TRMT11: variants seen among roughly 807,000 people sequenced by gnomAD.
TRMT11 encodes the protein tRNA (guanine(10)-N(2))-methyltransferase TRMT11.
Under a neutral mutation model 62.8 loss-of-function variants are expected in TRMT11, and 53 were observed. The observed-to-expected ratio is 0.84, with a 90% CI of 0.68 to 1.06. TRMT11 has a LOEUF of 1.06. TRMT11 is among the 50% of genes least tolerant of loss of function. TRMT11 has a pLI of 0.00. For missense variants in TRMT11, 556 were observed against 553.4 expected (o/e 1.00, Z -0.05); for synonymous variants, 188 against 190.3 (o/e 0.99, Z 0.10).
the TRMT11 span, among the ~76,000 whole-genome samples, chr6:126,252,363 T>C: frequency 6.6e-6 from 1 of 152,218 alleles, no homozygotes; most frequent in Non-Finnish European, 1.5e-5. Context: ...TATGGTGGCC[T>C]CAGGGTGGCA....
At chr6:126,219,518 CTCTT>C in the TRMT11 span, among the ~76,000 whole-genome samples, 3 of 152,200 alleles carry the variant, frequency 2.0e-5, no homozygotes, top group African/African-American at 7.2e-5. Context: ...TCAAGGAAGA[CTCTT>C]TCTTCTAACT....
At chr6:126,178,234 C>G (rs1244128475) in intron 1 of TRMT11, among the ~76,000 whole-genome samples, 1 of 152,126 alleles carries the variant, frequency 6.6e-6, no homozygotes, top group Non-Finnish European at 1.5e-5. Context: ...GAGTTGTTGC[C>G]CAAGATCACC....
intron 21 of TRMT11, among the ~76,000 whole-genome samples, chr6:126,149,900 A>G (rs1424929565): frequency 6.6e-6 from 1 of 152,220 alleles, no homozygotes; most frequent in Non-Finnish European, 1.5e-5. Flanking sequence ...CTGTGTCTGT[A>G]TTAGTATGAC....
chr6:126,116,577 G>C (rs1777589810), intron 21 of TRMT11, among the ~76,000 whole-genome samples: 1 of 152,084 alleles, frequency 6.6e-6, no homozygotes, highest in Non-Finnish European at 1.5e-5. Flanking sequence ...AGTGCCACGA[G>C]TGGCACGTTG....
rs536238504 is a variant in TRMT11 at position 126,201,900 on chromosome 6, T to C, written n.372-128T>C. ...TGTGGAATGTATCTGTGGAAACTGCTAGCCTGTTCAATGGTGCGTTATTCT... is the reference window on the plus strand; with the variant it reads ...TGTGGAATGTATCTGTGGAAACTGCCAGCCTGTTCAATGGTGCGTTATTCT... On this transcript the variant is annotated intron_variant and non_coding_transcript_variant, in intron 3 of 3. Coordinates refer to the TRMT11 transcript ENST00000444229. The C allele has an allele frequency of 2.6e-5, 4 of 152,316 alleles. No homozygotes were observed. In the East Asian group the frequency reaches 7.7e-4, roughly 29 times the overall value. 9.4% of individuals were successfully genotyped at this position (152,316 alleles called of 1,614,324 possible).
chr6:126,105,310 A>G (rs1777451367), intron 17 of TRMT11, among the ~76,000 whole-genome samples: 1 of 152,164 alleles, frequency 6.6e-6, no homozygotes. Flanking sequence ...GGGTGGTATC[A>G]TGCCTTTAAA....
chr6:126,188,185 A>G lies in TRMT11; in HGVS notation n.144-10614A>G, dbSNP rs192308326. Among the ~76,000 whole-genome samples, 595 of 152,106 alleles carry G rather than the reference A, an allele frequency of 3.9e-3. 4 individuals carry two copies. The highest frequency in any genetic ancestry group is 0.014 in the African/African-American group (583 of 41,546). Reference sequence around the variant, plus strand: ...ACCCCCCATATCCCAAGAAAACAAAAAAGAACTGAGAAGTGAACCATGAAT... The same window carrying G: ...ACCCCCCATATCCCAAGAAAACAAAGAAGAACTGAGAAGTGAACCATGAAT... On this transcript the variant is annotated intron_variant and non_coding_transcript_variant, in intron 1 of 3. Coordinates refer to the TRMT11 transcript ENST00000444229.
At chr6:126,094,648 T>C (rs889859022) in intron 17 of TRMT11, among the ~76,000 whole-genome samples, 4 of 152,244 alleles carry the variant, frequency 2.6e-5, no homozygotes, top group Non-Finnish European at 5.9e-5. Flanking sequence ...GGATTTCGTC[T>C]AGGCCTGGCC....
chr6:126,138,112 T>G (rs1002297449), intron 21 of TRMT11, among the ~76,000 whole-genome samples: 1 of 151,858 alleles, frequency 6.6e-6, no homozygotes, highest in African/African-American at 2.4e-5. Context: ...AAAGAAGAAT[T>G]ATAATGTTCC....
At chr6:126,242,113 A>T in the TRMT11 span, among the ~76,000 whole-genome samples, 1 of 152,212 alleles carries the variant, frequency 6.6e-6, no homozygotes, top group East Asian at 1.9e-4. Context: ...AATGTGCAAA[A>T]ATCACAAGCA....
intron 8 of TRMT11, chr6:126,009,256 C>T (rs1793826278): frequency 6.6e-6 from 1 of 151,738 alleles, no homozygotes; most frequent in Non-Finnish European, 1.5e-5. Context: ...TATAACTGAC[C>T]AAAACCTCTT....
intron 6 of TRMT11, 98 bp from the exon 7 acceptor site, chr6:125,999,359 G>A: frequency 1.1e-6 from 1 of 884,400 alleles, no homozygotes; most frequent in Admixed American, 2.9e-5. Flanking sequence ...TAAGTGGAAA[G>A]AAGTTCTTAT....
chr6:126,126,209 T>A lies in TRMT11; in HGVS notation c.*1823+10354T>A, dbSNP rs7762027. ...AATTCCTAAAGGAATACTAATCTGT[T>A]AACCTGTAGCTTTCAAAGACATGAG... On this transcript the variant is annotated intron_variant and NMD_transcript_variant, in intron 21 of 22. Transcript: ENST00000648977. Among the ~76,000 whole-genome samples, 1,213 of 152,258 alleles carry A rather than the reference T, an allele frequency of 8.0e-3. 13 individuals carry two copies. Among genetic ancestry groups the A allele is most frequent in the African/African-American group, 0.028 (1,157 of 41,558 alleles).
At chr6:126,229,204 G>A in the TRMT11 span, among the ~76,000 whole-genome samples, 1 of 151,926 alleles carries the variant, frequency 6.6e-6, no homozygotes, top group South Asian at 2.1e-4. Context: ...AAAATTTTTT[G>A]TCTAGATCTT....
intron 21 of TRMT11, among the ~76,000 whole-genome samples, chr6:126,162,277 A>G (rs1383993511): frequency 6.6e-6 from 1 of 152,206 alleles, no homozygotes; most frequent in Admixed American, 6.5e-5. Flanking sequence ...TTTTCTGCAT[A>G]TGGCAAAGCC....
chr6:126,056,417 G>A (rs1422729421), intron 17 of TRMT11, among the ~76,000 whole-genome samples: 1 of 152,138 alleles, frequency 6.6e-6, no homozygotes, highest in African/African-American at 2.4e-5. Flanking sequence ...AGGATAAAAG[G>A]TAGATTTATT....
At chr6:126,143,019 A>C (rs1397385383) in intron 21 of TRMT11, among the ~76,000 whole-genome samples, 1 of 152,124 alleles carries the variant, frequency 6.6e-6, no homozygotes, top group Admixed American at 6.6e-5. Context: ...AGAAAATATT[A>C]GTTCAGGCAC....
chr6:126,242,274 TA>T, the TRMT11 span, among the ~76,000 whole-genome samples: 3 of 152,024 alleles, frequency 2.0e-5, no homozygotes, highest in Admixed American at 2.0e-4. Context: ...ACTGCTCAAC[TA>T]AATAAAAGAG....
At chr6:126,261,731 G>C in the TRMT11 span, among the ~76,000 whole-genome samples, 1 of 152,172 alleles carries the variant, frequency 6.6e-6, no homozygotes, top group Non-Finnish European at 1.5e-5. Flanking sequence ...TTGCCTTACT[G>C]GTCTAGGCTG....
Sources: gnomAD v4.1 joint callset for allele counts (sites outside exome capture counted in the v4.1 genomes callset) on GRCh38, gnomAD v4.1.1 for gene constraint, MANE v1.5 for transcripts, NCBI Gene and HGNC (gene_info 2026-07-23, HGNC 2026-07-21) for gene names.